The following DYSF variants were observed in gnomAD, a reference collection of about 807,000 sequenced individuals.
DYSF encodes dystrophy-associated fer-1-like 1.
A neutral mutation model predicts 274.9 loss-of-function variants in DYSF; 212 were observed. The observed-to-expected ratio is 0.77, with a 90% CI of 0.69 to 0.86. The LOEUF (loss-of-function observed/expected upper bound fraction) is 0.86. Ranked by LOEUF, DYSF falls within the 40% of genes least tolerant of loss-of-function variation. The pLI is 0.00. For missense variants in DYSF, 2,666 were observed against 2,783.2 expected (o/e 0.96, Z 0.95); for synonymous variants, 1,091 against 1,078.7 (o/e 1.01, Z -0.22).
intron 42 of DYSF, among the ~76,000 whole-genome samples, chr2:71,653,192 AC>A (rs2094697897): frequency 6.6e-6 from 1 of 152,192 alleles, no homozygotes. Flanking sequence ...AGAAATAGGA[AC>A]ACTTTTACAC....
rs1030857389 is a variant in DYSF at position 71,543,305 on chromosome 2, C to T, written c.1576+4066C>T. ...CACTCCCCACATCTCAGATGATGGG[C>T]AGCCGGGCAGAGACACTCCTCACTT... On this transcript the variant is annotated intron_variant, in intron 17 of 55. Coordinates refer to ENST00000410020, the MANE Select transcript of DYSF (RefSeq NM_001130987.2). 2.7e-5 allele frequency among the ~76,000 whole-genome samples: 4 copies of T among 150,920 alleles called. No individual in the cohort carries two copies. In the South Asian group the frequency reaches 8.4e-4, roughly 32 times the overall value.
chr2:71,613,843 C>G (rs1450334804), intron 40 of DYSF, among the ~76,000 whole-genome samples: 1 of 152,108 alleles, frequency 6.6e-6, no homozygotes, highest in Non-Finnish European at 1.5e-5. Context: ...TGGGCTTGTG[C>G]TTGGTGGCTC....
chr2:71,622,188 G>A (rs1248522492), intron 41 of DYSF, among the ~76,000 whole-genome samples: 1 of 121,248 alleles, frequency 8.2e-6, no homozygotes, highest in African/African-American at 3.0e-5. Flanking sequence ...TCTTGTTAAA[G>A]TGTATTCCTA....
intron 42 of DYSF, among the ~76,000 whole-genome samples, chr2:71,645,544 G>A (rs1204102643): frequency 6.6e-6 from 1 of 151,650 alleles, no homozygotes; most frequent in African/African-American, 2.4e-5. Flanking sequence ...TAGGGTCTTG[G>A]GGGTTTTTAT....
chr2:71,609,652 G>A (rs551956447), intron 36 of DYSF, among the ~76,000 whole-genome samples: 125 of 152,332 alleles, frequency 8.2e-4, no homozygotes, highest in African/African-American at 2.8e-3. Context: ...GCCTAATGGC[G>A]AGGAGGTGGC....
intron 1 of DYSF, among the ~76,000 whole-genome samples, chr2:71,479,434 G>A (rs903206862): frequency 1.3e-5 from 2 of 151,920 alleles, no homozygotes; most frequent in African/African-American, 2.4e-5. Context: ...AAGCAGAGAG[G>A]GCCAAAGCTC....
rs1398518397 is a variant in DYSF, at chr2:71,620,662, G to C, written c.4527+53G>C. On this transcript the variant is annotated intron_variant, in intron 41 of 55. Transcript: ENST00000410020. ...TCCTTGTATTCCCTTGTGGGGCTGG[G>C]GGTAGGGGGGTTAGGAGGGAAATGG... 4 of 1,523,324 alleles carry C rather than the reference G, an allele frequency of 2.6e-6. No individual in the cohort carries two copies. In the African/African-American group the frequency reaches 4.1e-5, roughly 16 times the overall value. 94.4% of individuals were successfully genotyped at this position (1,523,324 alleles called of 1,614,324 possible).
At chr2:71,496,189 G>T (rs558327770) in intron 3 of DYSF, among the ~76,000 whole-genome samples, 17 of 152,062 alleles carry the variant, frequency 1.1e-4, no homozygotes, top group Admixed American at 3.3e-4. Flanking sequence ...GCTTTTAAAA[G>T]CTTTTTAAAA....
At chr2:71,497,752 G>C (rs2084550239) in intron 3 of DYSF, among the ~76,000 whole-genome samples, 1 of 152,206 alleles carries the variant, frequency 6.6e-6, no homozygotes, top group Non-Finnish European at 1.5e-5. Context: ...ATCAGGTACA[G>C]GCAGAAGGCC....
chr2:71,553,839 G>A lies in DYSF; in HGVS notation c.2017G>A (p.Val673Met), dbSNP rs200611218. Residue 673 changes from valine (V) to methionine (M), a missense_variant, in exon 21 of 56, where the codon GTG becomes ATG. Coordinates refer to ENST00000410020, the MANE Select transcript of DYSF (RefSeq NM_001130987.2). ...CTACTACTACCTACCCTGGGGTAAC[G>A]TGAAACCTGTGGTGGTGCTGTCATC... ...CHYYYLPWGN[V>M]KPVVVLSSYW... The A allele has an allele frequency of 2.5e-6, 4 of 1,569,320 alleles. No homozygotes were observed. Among genetic ancestry groups the A allele is most frequent in the South Asian group, 1.1e-5 (1 of 90,324 alleles).
chr2:71,512,034 G>T (rs1015805491), intron 5 of DYSF, 113 bp downstream of exon 5: 2 of 748,360 alleles, frequency 2.7e-6, no homozygotes, highest in Non-Finnish European at 4.7e-6. Context: ...GCCCTCCCCA[G>T]GTTGGAGGCT....
intron 41 of DYSF, among the ~76,000 whole-genome samples, chr2:71,630,046 T>A (rs2152907037): frequency 6.6e-6 from 1 of 152,280 alleles, no homozygotes; most frequent in East Asian, 1.9e-4. Context: ...CAGATCGCTC[T>A]TCTTCTTTTG....
In DYSF at chr2:71,667,512, G is replaced by A. The variant is rs2095036831; in HGVS notation, c.5454G>A (p.Glu1818=). The change falls in exon 48 of 56, where the codon GAG becomes GAA. Residue 1818 remains glutamate (E), a synonymous_variant. Transcript: ENST00000410020. Reference sequence around the variant, plus strand: ...ACAGCCCCCTGCAGCCAGACATCGAGCAGGTAGGACCTTGACCCTTGGGTC... The same window carrying A: ...ACAGCCCCCTGCAGCCAGACATCGAACAGGTAGGACCTTGACCCTTGGGTC... The part of the protein sequence containing the change: ...PLYSPLQPDI[E]QGKLQMWVDL... The A allele has an allele frequency of 3.1e-6, 5 of 1,613,986 alleles. No homozygotes were observed. Among genetic ancestry groups the A allele is most frequent in the Non-Finnish European group, 4.2e-6 (5 of 1,179,996 alleles).
Position 71,533,597 on chromosome 2 carries a change from C to T in DYSF, c.1381-1424C>T, listed in dbSNP as rs143514140. Among the ~76,000 whole-genome samples, 7 of 152,344 alleles carry T rather than the reference C, an allele frequency of 4.6e-5. No individual in the cohort carries two copies. In the East Asian group the frequency reaches 1.4e-3, roughly 29 times the overall value. On this transcript the variant is annotated intron_variant, in intron 14 of 55. Transcript: ENST00000410020. ...AGCCTCACACATATGTCATTCCTCACATGTGCAAGTATTTCTGTAGGATGG... is the reference window on the plus strand; with the variant it reads ...AGCCTCACACATATGTCATTCCTCATATGTGCAAGTATTTCTGTAGGATGG...
rs753711667 is a variant in DYSF at position 71,570,620 on chromosome 2, T to TC, written c.3113dup (p.Glu1039GlyfsTer11). On this transcript the variant is annotated frameshift_variant, in exon 29 of 56. Transcript: ENST00000410020. LOFTEE classifies it high-confidence loss of function. Reference sequence around the variant, plus strand: ...CCAGGCTGGGAGTATAGCATCACCATCCCCCCGGAGCGGAAGCCGAAGCAC... The same window carrying TC: ...CCAGGCTGGGAGTATAGCATCACCATCCCCCCCGGAGCGGAAGCCGAAGCAC... 2.5e-6 allele frequency: 4 copies of TC among 1,613,716 alleles called. No homozygotes were observed. Among genetic ancestry groups the TC allele is most frequent in the South Asian group, 1.1e-5 (1 of 91,062 alleles).
At chr2:71,647,617 T>C (rs958404645) in intron 42 of DYSF, among the ~76,000 whole-genome samples, 62 of 152,230 alleles carry the variant, frequency 4.1e-4, no homozygotes, top group African/African-American at 1.5e-3. Flanking sequence ...CAAAGACAAC[T>C]GAAATTGGTT....
intron 3 of DYSF, among the ~76,000 whole-genome samples, chr2:71,493,931 A>G (rs1475495289): frequency 2.6e-5 from 4 of 151,968 alleles, no homozygotes; most frequent in African/African-American, 9.7e-5. Context: ...TGAGGATTAC[A>G]TAATTATTTT....
intron 41 of DYSF, among the ~76,000 whole-genome samples, chr2:71,631,717 C>G (rs894654094): frequency 6.6e-6 from 1 of 152,134 alleles, no homozygotes; most frequent in Non-Finnish European, 1.5e-5. Flanking sequence ...ACTTCACGGT[C>G]TCTCCTGTTA....
intron 41 of DYSF, among the ~76,000 whole-genome samples, chr2:71,638,609 C>G (rs2094442307): frequency 6.6e-6 from 1 of 152,182 alleles, no homozygotes; most frequent in Non-Finnish European, 1.5e-5. Context: ...TAAATTCTTT[C>G]ACTTAGCATA....
Sources: allele counts gnomAD v4.1 joint callset (sites outside exome capture counted in the v4.1 genomes callset), GRCh38; gene constraint gnomAD v4.1.1; transcripts MANE v1.5; gene names NCBI Gene and HGNC (gene_info 2026-07-23, HGNC 2026-07-21).